Variants in EDAR observed in about 807,000 individuals in gnomAD.
EDAR encodes the protein tumor necrosis factor receptor superfamily member EDAR.
In EDAR, 38 loss-of-function variants were observed where a neutral mutation model predicts 51.3. That is an observed-to-expected ratio of 0.74 (90% CI 0.57 to 0.97). The LOEUF is 0.97. Among genes scored for constraint, EDAR ranks in the 50% least tolerant of loss-of-function variants. The pLI is 0.00. For synonymous variants in EDAR, 227 were observed against 242.1 expected (o/e 0.94, Z 0.58); for missense variants, 528 against 595.0 (o/e 0.89, Z 1.17).
At chr2:108,975,610 G>A (rs1698309862) in intron 1 of EDAR, among the ~76,000 whole-genome samples, 3 of 152,304 alleles carry the variant, frequency 2.0e-5, no homozygotes, top group Admixed American at 6.5e-5. Context: ...GCTTTGGGGA[G>A]GCAGCCAGCA....
At chr2:108,898,782 A>G (rs61447904) in intron 11 of EDAR, among the ~76,000 whole-genome samples, 4,379 of 152,330 alleles carry the variant, frequency 0.029, 199 homozygotes, top group African/African-American at 0.1. Flanking sequence ...CAAAAGTACA[A>G]TAACCACAAT....
intron 9 of EDAR, among the ~76,000 whole-genome samples, chr2:108,909,426 G>T (rs537782091): frequency 6.6e-3 from 206 of 31,192 alleles, no homozygotes; most frequent in Non-Finnish European, 8.8e-3. Flanking sequence ...GGATCGATTG[G>T]AATGGCTTTG....
rs777037287 is a variant in EDAR, at chr2:108,910,762, C to T, written c.730+14G>A. ...CACCGTGCACATGGTGTGTGGAAGC[C>T]CTGGTTCACAGACCTGGGGCCTCTT... On this transcript the variant is annotated intron_variant, in intron 8 of 11. Transcript: ENST00000258443. 2.5e-6 allele frequency: 4 copies of T among 1,612,388 alleles called. No individual in the cohort carries two copies. Among genetic ancestry groups the T allele is most frequent in the African/African-American group, 1.3e-5 (1 of 74,894 alleles).
At chr2:108,968,669 C>T (rs1698188238) in intron 1 of EDAR, among the ~76,000 whole-genome samples, 1 of 152,212 alleles carries the variant, frequency 6.6e-6, no homozygotes, top group Non-Finnish European at 1.5e-5. Flanking sequence ...TTCTTCTGCA[C>T]TGCTGTGCAC....
At chr2:108,914,576 A>G (rs1696992464) in intron 5 of EDAR, among the ~76,000 whole-genome samples, 1 of 152,242 alleles carries the variant, frequency 6.6e-6, no homozygotes, top group Non-Finnish European at 1.5e-5. Context: ...AGCCAAAACA[A>G]AAACATTCCA....
chr2:108,932,769 T>C (rs1042601812), intron 1 of EDAR, among the ~76,000 whole-genome samples: 1 of 152,156 alleles, frequency 6.6e-6, no homozygotes, highest in African/African-American at 2.4e-5. Flanking sequence ...CAAGTACATA[T>C]GTGTTTTTAA....
Position 108,923,382 on chromosome 2 carries a change from G to A in EDAR, c.428C>T (p.Pro143Leu). ...MVCYSCLLAP[P>L]NTKECVGATS... ...AAGACACTCACATTCCTTGGTGTTG[G>A]GGGGTGCCAGGAGGCAGGAGTAGCA... Residue 143 changes from proline to leucine, a missense_variant, in exon 5 of 12, where the codon CCC becomes CTC. Coordinates refer to ENST00000258443, the MANE Select transcript of EDAR (RefSeq NM_022336.4). 1.2e-6 allele frequency: 2 copies of A among 1,614,200 alleles called. No individual in the cohort carries two copies. Among genetic ancestry groups the A allele is most frequent in the Non-Finnish European group, 1.7e-6 (2 of 1,180,012 alleles).
At chr2:108,942,201 C>T (rs1697614067) in intron 1 of EDAR, among the ~76,000 whole-genome samples, 1 of 152,260 alleles carries the variant, frequency 6.6e-6, no homozygotes, top group African/African-American at 2.4e-5. Flanking sequence ...AAGGGAGGCA[C>T]TCACTACTCC....
At chr2:108,920,682 C>T (rs1385626324) in intron 5 of EDAR, among the ~76,000 whole-genome samples, 1 of 152,214 alleles carries the variant, frequency 6.6e-6, no homozygotes, top group Non-Finnish European at 1.5e-5. Context: ...CCTCTCATTA[C>T]TTGGCAACCC....
intron 4 of EDAR, among the ~76,000 whole-genome samples, chr2:108,924,594 T>C (rs1266351812): frequency 2.0e-5 from 3 of 152,212 alleles, no homozygotes; most frequent in African/African-American, 7.2e-5. Context: ...CTGACGGTAG[T>C]GCTAAGCAGC....
intron 5 of EDAR, among the ~76,000 whole-genome samples, chr2:108,919,742 C>T (rs1426829264): frequency 1.3e-5 from 2 of 152,184 alleles, no homozygotes; most frequent in African/African-American, 4.8e-5. Flanking sequence ...GTAGCCGGGC[C>T]AGAGCCGGCA....
chr2:108,984,856 T>C (rs1698472039), intron 1 of EDAR, among the ~76,000 whole-genome samples: 1 of 152,168 alleles, frequency 6.6e-6, no homozygotes, highest in African/African-American at 2.4e-5. Context: ...CAGAAAACAT[T>C]TGCTGAATGA....
intron 1 of EDAR, among the ~76,000 whole-genome samples, chr2:108,958,141 C>A (rs907439797): frequency 6.6e-6 from 1 of 152,118 alleles, no homozygotes; most frequent in African/African-American, 2.4e-5. Context: ...CCTCCAGGCC[C>A]AGGAGAAAGA....
intron 1 of EDAR, among the ~76,000 whole-genome samples, chr2:108,938,406 C>T (rs73952557): frequency 0.015 from 2,293 of 152,254 alleles, 30 homozygotes; most frequent in South Asian, 0.03. Context: ...CTGGGGCTGG[C>T]GTCCCAAAGA....
chr2:108,905,679 G>T (rs1169172431), intron 11 of EDAR, among the ~76,000 whole-genome samples: 1 of 152,156 alleles, frequency 6.6e-6, no homozygotes, highest in East Asian at 1.9e-4. Flanking sequence ...AGCCATGAGG[G>T]ATTTATCTTT....
At chr2:108,965,175 A>G (rs776548886) in intron 1 of EDAR, among the ~76,000 whole-genome samples, 4 of 152,110 alleles carry the variant, frequency 2.6e-5, no homozygotes, top group Admixed American at 6.5e-5. Context: ...TCATGATTAT[A>G]TCTTTTAATG....
At chr2:108,970,506 T>C (rs1698216062) in intron 1 of EDAR, among the ~76,000 whole-genome samples, 1 of 152,030 alleles carries the variant, frequency 6.6e-6, no homozygotes, top group South Asian at 2.1e-4. Flanking sequence ...GGAGATGGTC[T>C]GGGAGCTGGG....
chr2:108,905,091 A>T (rs186940994), intron 11 of EDAR, among the ~76,000 whole-genome samples: 102 of 152,334 alleles, frequency 6.7e-4, no homozygotes, highest in African/African-American at 2.4e-3. Flanking sequence ...CCTGGGATTC[A>T]CCCCTGACTA....
At chr2:108,953,117 T>C (rs577624772) in intron 1 of EDAR, among the ~76,000 whole-genome samples, 63 of 152,358 alleles carry the variant, frequency 4.1e-4, no homozygotes, top group Non-Finnish European at 6.0e-4. Context: ...CCTCAAGCAT[T>C]TATCCTTTGT....
Sources: gnomAD v4.1 joint callset for allele counts (sites outside exome capture counted in the v4.1 genomes callset) on GRCh38, gnomAD v4.1.1 for gene constraint, MANE v1.5 for transcripts, NCBI Gene and HGNC (gene_info 2026-07-23, HGNC 2026-07-21) for gene names.